The following FGD6 variants were observed in gnomAD, a reference collection of about 807,000 sequenced individuals.
The protein encoded by FGD6 is FYVE, RhoGEF and PH domain-containing protein 6.
FGD6 carries 90 observed loss-of-function variants against 149.4 expected under a neutral mutation model. That is an observed-to-expected ratio of 0.60 (90% CI 0.51 to 0.72). The LOEUF is 0.72. Ranked by LOEUF, FGD6 falls within the 30% of genes least tolerant of loss-of-function variation. The probability of loss-of-function intolerance (pLI) is 0.00; values close to 1 mark genes in which losing one functional copy is unlikely to be tolerated. For synonymous variants in FGD6, 527 were observed against 584.0 expected (o/e 0.90, Z 1.41); for missense variants, 1,437 against 1,684.8 (o/e 0.85, Z 2.57).
intron 2 of FGD6, among the ~76,000 whole-genome samples, chr12:95,202,646 G>A (rs151150416): frequency 0.014 from 2,191 of 151,774 alleles, 53 homozygotes; most frequent in African/African-American, 0.051. Context: ...CTCCTGCCTC[G>A]GCCTCCCAAA....
chr12:95,203,549 C>A (rs2056674103), intron 2 of FGD6, among the ~76,000 whole-genome samples: 1 of 152,154 alleles, frequency 6.6e-6, no homozygotes, highest in Non-Finnish European at 1.5e-5. Flanking sequence ...CAGGGTACAA[C>A]TAAGAAAAAG....
intron 2 of FGD6, among the ~76,000 whole-genome samples, chr12:95,184,922 G>A (rs1298729531): frequency 1.3e-5 from 2 of 150,290 alleles, no homozygotes; most frequent in Non-Finnish European, 3.0e-5. Flanking sequence ...CATCCAGACT[G>A]GAGTGCAGTG....
At chr12:95,153,961 A>C (rs1880390486) in intron 3 of FGD6, among the ~76,000 whole-genome samples, 1 of 135,726 alleles carries the variant, frequency 7.4e-6, no homozygotes. Flanking sequence ...GAGAGAGAGA[A>C]GAGACAGAGA....
intron 2 of FGD6, among the ~76,000 whole-genome samples, chr12:95,206,635 G>A (rs1444703887): frequency 6.6e-6 from 1 of 151,740 alleles, no homozygotes; most frequent in Non-Finnish European, 1.5e-5. Context: ...ACAGGCTGCG[G>A]TAAGCCTTGA....
Position 95,084,520 on chromosome 12 carries a change from C to G in FGD6, c.4234G>C (p.Glu1412Gln), listed in dbSNP as rs1408274710. 6.3e-7 allele frequency: 1 copy of G among 1,578,314 alleles called. No individual in the cohort carries two copies. Among genetic ancestry groups the G allele is most frequent in the African/African-American group, 1.4e-5 (1 of 73,052 alleles). Residue 1412 changes from glutamate to glutamine, a missense_variant, in exon 20 of 21, where the codon GAG (glutamate) becomes CAG (glutamine). Transcript: ENST00000343958. ...KNMLFYVFKA[E>Q]DAHSAQKWIE... is the part of the protein sequence containing the mutation. Reference sequence around the variant, plus strand: ...TACTTCTGAGCCGAATGAGCATCCTCTGCTTTGAATACATAAAATAACATG... The same window carrying G: ...TACTTCTGAGCCGAATGAGCATCCTGTGCTTTGAATACATAAAATAACATG...
intron 2 of FGD6, among the ~76,000 whole-genome samples, chr12:95,198,376 C>T (rs150834339): frequency 6.1e-4 from 93 of 152,326 alleles, no homozygotes; most frequent in South Asian, 3.1e-3. Context: ...AAATGGTACA[C>T]GCAAGAGCTC....
chr12:95,147,995 A>G (rs970768204), intron 5 of FGD6, among the ~76,000 whole-genome samples: 2 of 152,090 alleles, frequency 1.3e-5, no homozygotes, highest in African/African-American at 4.8e-5. Flanking sequence ...AGAAGGAAAT[A>G]CCAAACCAAG....
intron 14 of FGD6, 79 bp downstream of exon 14, chr12:95,104,928 C>A: frequency 7.3e-7 from 1 of 1,369,590 alleles, no homozygotes. Context: ...AAACCAAAAA[C>A]CAAAATTTTC....
At chr12:95,190,999 A>AT (rs956375134) in intron 2 of FGD6, among the ~76,000 whole-genome samples, 130 of 152,260 alleles carry the variant, frequency 8.5e-4, no homozygotes, top group African/African-American at 3.0e-3. Flanking sequence ...GACTGCCTAG[A>AT]TTTTTTCAGT....
At chr12:95,161,487 C>G (rs1189415321) in intron 3 of FGD6, among the ~76,000 whole-genome samples, 2 of 152,142 alleles carry the variant, frequency 1.3e-5, no homozygotes, top group Non-Finnish European at 2.9e-5. Context: ...AAGAGCAAGA[C>G]TCTGTCTCAA....
intron 2 of FGD6, among the ~76,000 whole-genome samples, chr12:95,202,614 G>T (rs573317071): frequency 6.6e-6 from 1 of 151,564 alleles, no homozygotes; most frequent in Non-Finnish European, 1.5e-5. Flanking sequence ...GGCTGGTCTC[G>T]AACTCCTGGG....
In FGD6 at chr12:95,209,030, G is replaced by A. The variant is rs547330440; in HGVS notation, c.2254C>T (p.Arg752Cys). Residue 752 changes from arginine to cysteine, a missense_variant, in exon 2 of 21, where the codon CGC becomes TGC. Coordinates refer to ENST00000343958, the MANE Select transcript of FGD6 (RefSeq NM_018351.4). ...SLCAPEYENI[R>C]HYEEIPEYEN... ...TACTCTGGTATTTCCTCATAATGGC[G>A]TATATTTTCATACTCCGGTGCACAG... 7.2e-5 allele frequency: 116 copies of A among 1,614,022 alleles called. No individual in the cohort carries two copies. The Admixed American group carries it at 1.1e-3, about 15-fold the overall frequency.
chr12:95,188,050 C>T (rs137876299), intron 2 of FGD6, among the ~76,000 whole-genome samples: 3 of 152,108 alleles, frequency 2.0e-5, no homozygotes, highest in East Asian at 1.9e-4. Context: ...CACATTGATG[C>T]GACAAAGGCC....
chr12:95,086,310 A>C (rs1877860757), intron 18 of FGD6, among the ~76,000 whole-genome samples: 1 of 151,960 alleles, frequency 6.6e-6, no homozygotes, highest in East Asian at 1.9e-4. Context: ...AATTATTTGA[A>C]CCTTTAATTC....
At chr12:95,175,484 A>G (rs1881109519) in intron 2 of FGD6, among the ~76,000 whole-genome samples, 1 of 152,062 alleles carries the variant, frequency 6.6e-6, no homozygotes. Context: ...GGTGGCTCAC[A>G]CCTGTAATCC....
rs59897965 is a variant in FGD6, at chr12:95,131,108, G to GTT, written c.3082+3629_3082+3630dup. 2.5e-3 allele frequency among the ~76,000 whole-genome samples: 315 copies of GTT among 128,266 alleles called. 1 individual carries two copies. Among genetic ancestry groups the GTT allele is most frequent in the Non-Finnish European group, 3.4e-3 (201 of 59,908 alleles). The allele number at this position is 128,266 out of a possible 152,430, so 84.1% of individuals were successfully genotyped here. The stretch of plus-strand genomic sequence containing the variant: ...GGACAAAAAACATTTTGGCTAAAGA[G>GTT]TTTTTTTTTTTTTTTTTTTTTGAGA... On this transcript the variant is annotated intron_variant, in intron 8 of 20. Transcript: ENST00000343958.
rs374492507 is a variant in FGD6 at position 95,210,490 on chromosome 12, T to C, written c.794A>G (p.Asn265Ser). ...CTCTAGTTCAGATGACTGAAAGCAA[T>C]TATTGCTTTTTTCACTGTCATCCTG... The part of the protein sequence containing the change: ...TCQDDSEKSN[N>S]CFQSSELEAL... The change falls in exon 2 of 21, where the codon AAT becomes AGT. Residue 265 changes from asparagine to serine, a missense_variant. By Grantham distance (46) the Asn-to-Ser change is conservative (BLOSUM62 1). Transcript: ENST00000343958. 1.2e-5 allele frequency: 19 copies of C among 1,613,894 alleles called. No individual in the cohort carries two copies. The highest frequency in any genetic ancestry group is 1.5e-5 in the Non-Finnish European group (18 of 1,180,018).
intron 3 of FGD6, among the ~76,000 whole-genome samples, chr12:95,157,318 G>A (rs1380424256): frequency 6.6e-6 from 1 of 152,140 alleles, no homozygotes; most frequent in African/African-American, 2.4e-5. Context: ...TGTAATCCCA[G>A]CACTTTGGGA....
At chr12:95,216,956 A>G (rs1300816223) in intron 1 of FGD6, among the ~76,000 whole-genome samples, 1 of 152,330 alleles carries the variant, frequency 6.6e-6, no homozygotes, top group East Asian at 1.9e-4. Context: ...CGCCCTTCAC[A>G]CATCGCATTT....
Sources: gnomAD v4.1 joint callset for allele counts (sites outside exome capture counted in the v4.1 genomes callset) on GRCh38, gnomAD v4.1.1 for gene constraint, MANE v1.5 for transcripts, NCBI Gene and HGNC (gene_info 2026-07-23, HGNC 2026-07-21) for gene names.